The following ARHGEF10L variants were observed in gnomAD, a reference collection of about 807,000 sequenced individuals.
ARHGEF10L encodes rho guanine nucleotide exchange factor 10-like protein.
Under a neutral mutation model 141.2 loss-of-function variants are expected in ARHGEF10L, and 69 were observed. The ratio of observed to expected loss-of-function variants is 0.49; its 90% CI spans 0.40 to 0.60. The LOEUF (loss-of-function observed/expected upper bound fraction) is 0.60, where lower values mean the gene tolerates loss of function less well. Among genes scored for constraint, ARHGEF10L ranks in the 20% least tolerant of loss-of-function variants. The probability of loss-of-function intolerance (pLI) is 0.00; values close to 1 mark genes in which losing one functional copy is unlikely to be tolerated. For synonymous variants in ARHGEF10L, 711 were observed against 718.5 expected, an observed-to-expected ratio of 0.99 and a Z score of 0.17; for missense variants, 1,482 against 1,734.3, an observed-to-expected ratio of 0.85 and a Z score of 2.58.
intron 1 of ARHGEF10L, among the ~76,000 whole-genome samples, chr1:17,561,643 A>G (rs1467454345): frequency 6.6e-6 from 1 of 152,218 alleles, no homozygotes; most frequent in East Asian, 1.9e-4. Flanking sequence ...TCCTTGGCGT[A>G]GGTCCCTGGG....
intron 4 of ARHGEF10L, among the ~76,000 whole-genome samples, chr1:17,600,071 A>C (rs2080492347): frequency 6.6e-6 from 1 of 152,146 alleles, no homozygotes; most frequent in South Asian, 2.1e-4. Flanking sequence ...GGAGCTAGAC[A>C]AGCTGGCCTC....
rs79455255 is a variant in ARHGEF10L, at chr1:17,593,207, G to A, written c.257+4728G>A. Among the ~76,000 whole-genome samples the A allele has an allele frequency of 8.8e-3, 1,339 of 152,268 alleles. 4 individuals carry two copies. The highest frequency in any genetic ancestry group is 0.019 in the Admixed American group (289 of 15,296). ...GCAGCGGTGGGACTCTGCCTCACTC[G>A]TTTTTTATCCCAGTGCCTGGCAGAG... On this transcript the variant is annotated intron_variant, in intron 4 of 28. Coordinates refer to ENST00000361221, the MANE Select transcript of ARHGEF10L (RefSeq NM_018125.4).
At chr1:17,609,971 G>C (rs1340829184) in intron 7 of ARHGEF10L, among the ~76,000 whole-genome samples, 1 of 152,176 alleles carries the variant, frequency 6.6e-6, no homozygotes, top group African/African-American at 2.4e-5. Context: ...TGACCAGATG[G>C]GGCTCTCGAG....
chr1:17,682,309 C>T (rs1348552045), intron 26 of ARHGEF10L, among the ~76,000 whole-genome samples: 1 of 152,116 alleles, frequency 6.6e-6, no homozygotes, highest in African/African-American at 2.4e-5. Flanking sequence ...TCTCCCATTC[C>T]ACACCGGACT....
intron 7 of ARHGEF10L, 60 bp downstream of exon 7, chr1:17,608,037 G>T: frequency 1.7e-6 from 1 of 584,732 alleles, no homozygotes; most frequent in Admixed American, 4.8e-5. Flanking sequence ...TTCAGGGAGG[G>T]AGGGAGGGAG....
chr1:17,691,291 T>C, intron 27 of ARHGEF10L: 10 of 299,022 alleles, frequency 3.3e-5, no homozygotes, highest in South Asian at 8.6e-5. Flanking sequence ...TGTCTTGCTC[T>C]TTTCCTTGAG....
chr1:17,635,132 G>T (rs2060924838), intron 18 of ARHGEF10L, 116 bp downstream of exon 18: 2 of 1,294,478 alleles, frequency 1.5e-6, no homozygotes, highest in African/African-American at 1.5e-5. Context: ...AGGCTGATGG[G>T]TGGCTTGGCC....
intron 19 of ARHGEF10L, 87 bp from the exon 20 acceptor site, chr1:17,638,475 G>A: frequency 6.4e-7 from 1 of 1,566,522 alleles, no homozygotes; most frequent in Non-Finnish European, 8.7e-7. Flanking sequence ...CTCTTCCTCT[G>A]GGGTGCTGTG....
chr1:17,615,799 G>A lies in ARHGEF10L; in HGVS notation c.727-295G>A, dbSNP rs961455740. 1.1e-4 allele frequency: 30 copies of A among 275,772 alleles called. No individual in the cohort carries two copies. Among genetic ancestry groups the A allele is most frequent in the African/African-American group, 5.2e-4 (24 of 46,196 alleles). The allele number at this position is 275,772 out of a possible 1,614,324, so 17.1% of individuals were successfully genotyped here. A position where few individuals can be genotyped will look rare whatever the true frequency, so the allele number is the denominator to read the frequency against. ...GGGCTCCAGGTCTCCAGCACCCCTCGGCCCCCTCCTCACCAGGTCACATCA... is the reference window on the plus strand; with the variant it reads ...GGGCTCCAGGTCTCCAGCACCCCTCAGCCCCCTCCTCACCAGGTCACATCA... On this transcript the variant is annotated intron_variant, in intron 8 of 28. Transcript: ENST00000361221. This position sits in a 1 kb window ranked among gnomAD's most constrained non-coding sequence, Gnocchi z 4.7.
chr1:17,680,600 C>A (rs1415072366), intron 26 of ARHGEF10L, among the ~76,000 whole-genome samples: 1 of 152,142 alleles, frequency 6.6e-6, no homozygotes, highest in Non-Finnish European at 1.5e-5. Flanking sequence ...TGCGCCAATG[C>A]TCTCCCTGGA....
chr1:17,624,535 A>T, intron 13 of ARHGEF10L, 32 bp downstream of exon 13: 1 of 1,565,766 alleles, frequency 6.4e-7, no homozygotes, highest in Non-Finnish European at 8.8e-7. Flanking sequence ...GTGCCTGGTC[A>T]GGGTGGGCAG....
At chr1:17,544,047 A>G (rs2076829237) in intron 1 of ARHGEF10L, among the ~76,000 whole-genome samples, 1 of 150,402 alleles carries the variant, frequency 6.6e-6, no homozygotes, top group Non-Finnish European at 1.5e-5. Context: ...CCTGGGTTCA[A>G]GTGATTCTCC....
At chr1:17,649,971 C>T (rs146999342) in intron 22 of ARHGEF10L, among the ~76,000 whole-genome samples, 8,436 of 152,258 alleles carry the variant, frequency 0.055, 312 homozygotes, top group Middle Eastern at 0.13. Flanking sequence ...GCCTTGCAGG[C>T]TGGGTCAGCT....
intron 26 of ARHGEF10L, 30 bp from the exon 27 acceptor site, chr1:17,687,543 A>G (rs755564963): frequency 6.2e-7 from 1 of 1,611,058 alleles, no homozygotes; most frequent in East Asian, 2.2e-5. Flanking sequence ...AGGCCCAGCC[A>G]GTATCGACAC....
In ARHGEF10L at chr1:17,656,457, C is replaced by G; in HGVS notation, c.2706-97C>G. 2.1e-6 allele frequency: 3 copies of G among 1,455,264 alleles called. No individual in the cohort carries two copies. Among genetic ancestry groups the G allele is most frequent in the Non-Finnish European group, 2.8e-6 (3 of 1,070,316 alleles). The allele number at this position is 1,455,264 out of a possible 1,614,324, so 90.1% of individuals were successfully genotyped here. Reference sequence around the variant, plus strand: ...GCCGAAAGGCGTGGCTGAGAGGGGTCAGCTCCCTGGGGCCCTCTCCCTAGG... The same window carrying G: ...GCCGAAAGGCGTGGCTGAGAGGGGTGAGCTCCCTGGGGCCCTCTCCCTAGG... On this transcript the variant is annotated intron_variant, in intron 24 of 28. Transcript: ENST00000361221. The surrounding 1 kb of genome is among the most constrained non-coding windows in gnomAD (Gnocchi z 4.9).
In ARHGEF10L at chr1:17,573,834, G is replaced by A. The variant is rs2246387; in HGVS notation, c.-43-6719G>A. ...CAGGGGCTCCCTAGGAGGTCAGTGC[G>A]GGAGGGTGGGTGCCACCGACTCTGG... On this transcript the variant is annotated intron_variant, in intron 1 of 28. Transcript: ENST00000361221. This position sits in a 1 kb window ranked among gnomAD's most constrained non-coding sequence, Gnocchi z 4.8. 0.052 allele frequency among the ~76,000 whole-genome samples: 7,875 copies of A among 151,128 alleles called. 230 individuals are homozygous for A. Among genetic ancestry groups the A allele is most frequent in the Non-Finnish European group, 0.063 (4,217 of 67,426 alleles).
At chr1:17,680,950 A>C (rs1023766990) in intron 26 of ARHGEF10L, among the ~76,000 whole-genome samples, 1 of 152,004 alleles carries the variant, frequency 6.6e-6, no homozygotes, top group Non-Finnish European at 1.5e-5. Context: ...TGCCCAGATA[A>C]GTTTTGTAAT....
At chr1:17,624,326 T>C (rs200562475) in intron 12 of ARHGEF10L, 61 bp from the exon 13 acceptor site, 57 of 1,391,310 alleles carry the variant, frequency 4.1e-5, no homozygotes, top group Non-Finnish European at 5.7e-5. Context: ...CACACCTGCC[T>C]CGTTTCCTTC....
chr1:17,614,836 A>G (rs571211232), intron 8 of ARHGEF10L, among the ~76,000 whole-genome samples: 2 of 152,202 alleles, frequency 1.3e-5, no homozygotes, highest in Middle Eastern at 6.8e-3. Context: ...CTGCTTCCCC[A>G]TGCACAGCAC....
Sources: gnomAD v4.1 joint callset for allele counts (sites outside exome capture counted in the v4.1 genomes callset) on GRCh38, gnomAD v4.1.1 for gene constraint, Gnocchi (gnomAD v3.1) non-coding constraint, MANE v1.5 for transcripts, NCBI Gene and HGNC (gene_info 2026-07-23, HGNC 2026-07-21) for gene names.